WDR4: variants seen among roughly 807,000 people sequenced by gnomAD.
WDR4 encodes tRNA (guanine-N(7)-)-methyltransferase non-catalytic subunit WDR4.
In WDR4, 47 loss-of-function variants were observed where a neutral mutation model predicts 48.6. The observed-to-expected ratio is 0.97, with a 90% confidence interval of 0.77 to 1.23. WDR4 has a LOEUF of 1.23. WDR4 is among the 50% of genes most tolerant of loss of function. WDR4 has a pLI of 0.00. For synonymous variants in WDR4, 268 were observed against 230.0 expected (o/e 1.17, Z -1.49); for missense variants, 606 against 551.6 (o/e 1.10, Z -0.99).
intron 1 of WDR4, among the ~76,000 whole-genome samples, chr21:42,878,210 T>A (rs1165070250): frequency 1.3e-5 from 2 of 152,158 alleles, no homozygotes; most frequent in Non-Finnish European, 2.9e-5. Flanking sequence ...TCACCCATTT[T>A]CCATACTGAA....
chr21:42,852,495 C>T (rs1423880529), intron 9 of WDR4, among the ~76,000 whole-genome samples, 171 bp from the exon 10 acceptor site: 4 of 152,362 alleles, frequency 2.6e-5, no homozygotes, highest in Admixed American at 2.0e-4. Flanking sequence ...CCGCAGCTGG[C>T]CCATGATGCC....
Position 42,850,226 on chromosome 21 carries a change from G to A in WDR4, c.1062C>T (p.Asp354=), listed in dbSNP as rs570451090. 1.9e-5 allele frequency: 30 copies of A among 1,598,338 alleles called. No homozygotes were observed. The highest frequency in any genetic ancestry group is 3.4e-4 in the Middle Eastern group (2 of 5,936). The part of the protein sequence containing the change: ...WAMLEGSAGA[D]ASFSSLYKAT... Reference sequence around the variant, plus strand: ...CCTTGTAGAGACTGCTGAAGCTGGCGTCTGCGCCGGCAGAGCCTGTGATGG... The same window carrying A: ...CCTTGTAGAGACTGCTGAAGCTGGCATCTGCGCCGGCAGAGCCTGTGATGG... Residue 354 remains aspartate, a synonymous_variant, in exon 11 of 11, where the codon GAC becomes GAT. Transcript: ENST00000398208.
intron 6 of WDR4, among the ~76,000 whole-genome samples, chr21:42,856,753 G>A (rs2058002085): frequency 6.6e-6 from 1 of 151,896 alleles, no homozygotes; most frequent in Non-Finnish European, 1.5e-5. Flanking sequence ...AGGTAAGAGT[G>A]GATGTATGAA....
At chr21:42,879,927 C>G (rs2058593567), upstream of WDR4, 1 of 397,932 alleles carries the variant, frequency 2.5e-6, no homozygotes, top group African/African-American at 2.1e-5. Context: ...GTCAGCAGTT[C>G]GAGAGCAGCC....
intron 9 of WDR4, among the ~76,000 whole-genome samples, 190 bp downstream of exon 9, chr21:42,853,379 C>T (rs562649858): frequency 1.3e-5 from 2 of 152,368 alleles, no homozygotes; most frequent in South Asian, 4.1e-4. Flanking sequence ...CCACGCCGGC[C>T]TGGCACCCGG....
downstream of WDR4, among the ~76,000 whole-genome samples, chr21:42,848,582 A>G (rs1432282068): frequency 1.4e-5 from 1 of 69,720 alleles, no homozygotes; most frequent in Non-Finnish European, 2.5e-5. Flanking sequence ...CGCACCTCAC[A>G]GCACACGATC....
upstream of WDR4, among the ~76,000 whole-genome samples, chr21:42,881,535 T>C (rs1223704662): frequency 6.6e-6 from 1 of 152,236 alleles, no homozygotes; most frequent in African/African-American, 2.4e-5. Flanking sequence ...TAGTTGCCTT[T>C]TTCTCTGCCC....
At chr21:42,848,674 C>T (rs2057737660), downstream of WDR4, among the ~76,000 whole-genome samples, 1 of 122,070 alleles carries the variant, frequency 8.2e-6, no homozygotes, top group Non-Finnish European at 1.7e-5. Flanking sequence ...GCGCGCACCT[C>T]ACTCACACAG....
chr21:42,848,997 TCA>T (rs576552722), downstream of WDR4, among the ~76,000 whole-genome samples: 303 of 105,744 alleles, frequency 2.9e-3, 2 homozygotes, highest in African/African-American at 9.2e-3. Context: ...AGCGTGCACC[TCA>T]CACACAGCGC....
chr21:42,870,891 C>T (rs1418856618), intron 3 of WDR4, among the ~76,000 whole-genome samples: 4 of 152,178 alleles, frequency 2.6e-5, no homozygotes, highest in Non-Finnish European at 5.9e-5. Flanking sequence ...ATTATGAAAG[C>T]TCTCTACAGC....
intron 10 of WDR4, 118 bp downstream of exon 10, chr21:42,852,137 A>T: frequency 1.9e-6 from 2 of 1,061,382 alleles, no homozygotes; most frequent in Non-Finnish European, 2.8e-6. Flanking sequence ...ACACACGCTT[A>T]CTCTCCCTCT....
chr21:42,881,860 A>G (rs1457944081), upstream of WDR4, among the ~76,000 whole-genome samples: 4 of 151,984 alleles, frequency 2.6e-5, no homozygotes, highest in East Asian at 7.7e-4. Context: ...GCTGGAGTGC[A>G]ATGGCGTGAT....
upstream of WDR4, among the ~76,000 whole-genome samples, chr21:42,881,338 T>C (rs2058609303): frequency 6.6e-6 from 1 of 152,246 alleles, no homozygotes; most frequent in Admixed American, 6.5e-5. Flanking sequence ...TTACCAACTA[T>C]TGGGTCTAAT....
upstream of WDR4, chr21:42,883,756 C>T (rs1307913903): frequency 2.0e-5 from 3 of 153,544 alleles, no homozygotes; most frequent in Non-Finnish European, 2.9e-5. Context: ...GAGCGTGGCC[C>T]AGCCAACACC....
At chr21:42,853,840 C>T (rs1040622007) in intron 8 of WDR4, 88 bp from the exon 9 acceptor site, 10 of 1,385,576 alleles carry the variant, frequency 7.2e-6, no homozygotes, top group Middle Eastern at 1.8e-4. Context: ...GTGCAGCCCT[C>T]GCCGGTGCCA....
chr21:42,871,003 G>A (rs2058358271), intron 3 of WDR4, among the ~76,000 whole-genome samples: 1 of 152,152 alleles, frequency 6.6e-6, no homozygotes, highest in Non-Finnish European at 1.5e-5. Context: ...ACCTCAGAAT[G>A]TAACTGTATT....
chr21:42,855,519 C>T (rs771324829), intron 7 of WDR4, among the ~76,000 whole-genome samples, 163 bp downstream of exon 7: 3 of 152,336 alleles, frequency 2.0e-5, no homozygotes, highest in East Asian at 1.9e-4. Flanking sequence ...ACTGACATGA[C>T]GAGCCACCTT....
rs376372612 is a variant in WDR4 at position 42,872,893 on chromosome 21, C to T, written c.296+658G>A. ...TCGAGGTTGCGATGAGCAAAGATCG[C>T]GCCATTGCACTCCAGCCTGGGCAAC... On this transcript the variant is annotated intron_variant, in intron 3 of 10. Transcript: ENST00000398208. 3.9e-5 allele frequency among the ~76,000 whole-genome samples: 6 copies of T among 152,194 alleles called. No homozygotes were observed. In the South Asian group the frequency reaches 1.0e-3, roughly 26 times the overall value.
At chr21:42,879,295 C>T (rs1390019416) in intron 1 of WDR4, 112 bp downstream of exon 1, 3 of 1,453,372 alleles carry the variant, frequency 2.1e-6, no homozygotes, top group Admixed American at 2.3e-5. Context: ...CGGAGTTCCC[C>T]GGGGTCACCC....
Sources: gnomAD v4.1 joint callset for allele counts (sites outside exome capture counted in the v4.1 genomes callset) on GRCh38, gnomAD v4.1.1 for gene constraint, MANE v1.5 for transcripts, NCBI Gene and HGNC (gene_info 2026-07-23, HGNC 2026-07-21) for gene names.